Variants in UMAD1 observed in about 807,000 individuals in gnomAD.
UMAD1 encodes UBAP1-MVB12-associated (UMA)-domain containing protein 1.
A neutral mutation model predicts 6.1 loss-of-function variants in UMAD1; 8 were observed. The observed-to-expected ratio is 1.30, with a 90% CI of 0.76 to 2.35. The LOEUF (loss-of-function observed/expected upper bound fraction) is 2.35, where lower values mean the gene tolerates loss of function less well. Ranked by LOEUF, UMAD1 falls within the 30% of genes most tolerant of loss-of-function variation. The probability of loss-of-function intolerance (pLI) is 0.00; values close to 1 mark genes in which losing one functional copy is unlikely to be tolerated. For synonymous variants in UMAD1, 56 were observed against 31.4 expected (o/e 1.78, Z -2.61); for missense variants, 130 against 78.4 (o/e 1.66, Z -2.49).
At chr7:7,789,968 A>G (rs1314652649) in intron 2 of UMAD1, among the ~76,000 whole-genome samples, 1 of 152,092 alleles carries the variant, frequency 6.6e-6, no homozygotes, top group Non-Finnish European at 1.5e-5. Context: ...GGGAACATTT[A>G]CTTAGTGAGC....
At chr7:7,670,305 G>T (rs1182035724) in intron 1 of UMAD1, among the ~76,000 whole-genome samples, 1 of 152,168 alleles carries the variant, frequency 6.6e-6, no homozygotes, top group Admixed American at 6.5e-5. Context: ...TCTGTTAAAA[G>T]ACTGTTATTC....
chr7:7,792,234 C>T (rs1003390973), intron 2 of UMAD1, among the ~76,000 whole-genome samples: 1 of 152,198 alleles, frequency 6.6e-6, no homozygotes, highest in Admixed American at 6.5e-5. Context: ...TATTTGTTTG[C>T]TAACTGCATT....
At chr7:7,766,337 C>T (rs7810228) in intron 2 of UMAD1, among the ~76,000 whole-genome samples, 69,099 of 152,072 alleles carry the variant, frequency 0.45, 16,510 homozygotes, top group African/African-American at 0.62. Context: ...AATAAAACTT[C>T]TACTGTTTAA....
At chr7:7,684,576 C>T (rs1779993842) in intron 2 of UMAD1, among the ~76,000 whole-genome samples, 1 of 152,064 alleles carries the variant, frequency 6.6e-6, no homozygotes, top group Non-Finnish European at 1.5e-5. Flanking sequence ...ATGAGGAACT[C>T]ATGGATACGG....
chr7:7,738,176 T>G (rs1200407725), intron 2 of UMAD1, among the ~76,000 whole-genome samples: 1 of 152,198 alleles, frequency 6.6e-6, no homozygotes, highest in Non-Finnish European at 1.5e-5. Flanking sequence ...TAAAGAAGTT[T>G]AGTGTGACCA....
At chr7:7,857,785 T>G (rs1276395337) in intron 3 of UMAD1, among the ~76,000 whole-genome samples, 1 of 152,192 alleles carries the variant, frequency 6.6e-6, no homozygotes, top group Non-Finnish European at 1.5e-5. Context: ...CCAACAATGT[T>G]TTTCCCCCTC....
At chr7:7,724,768 A>G (rs754083644) in intron 2 of UMAD1, among the ~76,000 whole-genome samples, 2 of 152,232 alleles carry the variant, frequency 1.3e-5, no homozygotes, top group African/African-American at 2.4e-5. Flanking sequence ...GATACCTGGT[A>G]TGCAGCCATT....
intron 1 of UMAD1, among the ~76,000 whole-genome samples, chr7:7,650,454 A>G (rs1785199053): frequency 6.6e-6 from 1 of 152,108 alleles, no homozygotes; most frequent in African/African-American, 2.4e-5. Context: ...TACTCTTGTA[A>G]TGTCTGCTTT....
chr7:7,864,278 A>T (rs1459462761), intron 3 of UMAD1, among the ~76,000 whole-genome samples: 1 of 152,214 alleles, frequency 6.6e-6, no homozygotes, highest in Non-Finnish European at 1.5e-5. Flanking sequence ...CTAAATAAAG[A>T]TCAAAACACT....
chr7:7,767,713 C>T (rs1239935414), intron 2 of UMAD1, among the ~76,000 whole-genome samples: 2 of 152,112 alleles, frequency 1.3e-5, no homozygotes, highest in Non-Finnish European at 2.9e-5. Context: ...GAGTTTAAGC[C>T]TCAAAATAAT....
At chr7:7,748,287 TTTG>T (rs939426124) in intron 2 of UMAD1, among the ~76,000 whole-genome samples, 2 of 152,040 alleles carry the variant, frequency 1.3e-5, no homozygotes, top group African/African-American at 4.8e-5. Context: ...TTATTTACTT[TTTG>T]TTATGTAATT....
At position 7,846,091 on chromosome 7, in the gene UMAD1, G is replaced by A. The variant is rs542806238; in HGVS notation, c.157-31190G>A. Among the ~76,000 whole-genome samples, 136 of 152,208 alleles carry A rather than the reference G, an allele frequency of 8.9e-4. 1 individual carries two copies. The South Asian group carries it at 0.014, about 15-fold the overall frequency. On this transcript the variant is annotated intron_variant, in intron 3 of 3. Coordinates refer to ENST00000682710, the MANE Select transcript of UMAD1 (RefSeq NM_001302348.2). ...TAAGAACAGTGTCGAGTAGTGCTGC[G>A]TGATGTATGAACTGTGACCTTGGGC...
intron 3 of UMAD1, among the ~76,000 whole-genome samples, chr7:7,856,822 C>G (rs17495770): frequency 0.1 from 15,593 of 152,180 alleles, 1,112 homozygotes; most frequent in Middle Eastern, 0.16. Context: ...ATACAGGTCT[C>G]TTTTCAAAAA....
intron 3 of UMAD1, among the ~76,000 whole-genome samples, chr7:7,873,891 G>A (rs145356219): frequency 2.6e-5 from 4 of 152,000 alleles, no homozygotes; most frequent in Non-Finnish European, 5.9e-5. Context: ...CATTTACATC[G>A]TAACACCTAG....
chr7:7,647,222 T>C (rs561463380), intron 1 of UMAD1, among the ~76,000 whole-genome samples: 1 of 152,364 alleles, frequency 6.6e-6, no homozygotes, highest in East Asian at 1.9e-4. Flanking sequence ...TTTTCTAGTT[T>C]TCAGCATATT....
intron 2 of UMAD1, among the ~76,000 whole-genome samples, chr7:7,784,310 A>T (rs28625935): frequency 0.04 from 5,960 of 150,120 alleles, 413 homozygotes; most frequent in African/African-American, 0.14. Flanking sequence ...GATTTCCATG[A>T]CTTAAAATTT....
At chr7:7,710,526 C>T (rs1023158138) in intron 2 of UMAD1, among the ~76,000 whole-genome samples, 1 of 152,080 alleles carries the variant, frequency 6.6e-6, no homozygotes, top group African/African-American at 2.4e-5. Flanking sequence ...AAACCTGTAT[C>T]AGAATAGCTA....
At chr7:7,658,445 G>GT (rs2115086025) in intron 1 of UMAD1, among the ~76,000 whole-genome samples, 1 of 152,284 alleles carries the variant, frequency 6.6e-6, no homozygotes, top group South Asian at 2.1e-4. Flanking sequence ...TTGGCTGTGG[G>GT]TTTGTCATAA....
At chr7:7,877,041 C>T (rs911746007) in intron 3 of UMAD1, among the ~76,000 whole-genome samples, 2 of 152,178 alleles carry the variant, frequency 1.3e-5, no homozygotes, top group African/African-American at 4.8e-5. Flanking sequence ...ACAAGAAGGC[C>T]AGTTTGTGTT....
Sources: allele counts gnomAD v4.1 joint callset (sites outside exome capture counted in the v4.1 genomes callset), GRCh38; gene constraint gnomAD v4.1.1; transcripts MANE v1.5; gene names NCBI Gene and HGNC (gene_info 2026-07-23, HGNC 2026-07-21).